Variants in POLD3 observed in about 807,000 individuals in gnomAD.
POLD3 encodes the protein DNA polymerase delta subunit 3.
A neutral mutation model predicts 58.2 loss-of-function variants in POLD3; 19 were observed. The observed-to-expected ratio is 0.33, with a 90% CI of 0.23 to 0.48. The LOEUF (loss-of-function observed/expected upper bound fraction) is 0.48. Ranked by LOEUF, POLD3 falls within the 20% of genes least tolerant of loss-of-function variation. The pLI is 0.99. For synonymous variants in POLD3, 172 were observed against 193.5 expected, an observed-to-expected ratio of 0.89 and a Z score of 0.92; for missense variants, 504 against 545.5, an observed-to-expected ratio of 0.92 and a Z score of 0.76.
At chr11:74,628,462 C>T (rs527383148) in intron 8 of POLD3, among the ~76,000 whole-genome samples, 2 of 152,156 alleles carry the variant, frequency 1.3e-5, no homozygotes, top group Non-Finnish European at 2.9e-5. Flanking sequence ...TACTTGATGG[C>T]AAAGATTATG....
chr11:74,609,506 G>A (rs528934128), intron 3 of POLD3, among the ~76,000 whole-genome samples: 2 of 147,742 alleles, frequency 1.4e-5, no homozygotes, highest in South Asian at 2.2e-4. Context: ...TCAGCCTCCC[G>A]AGTAGCTAGG....
intron 3 of POLD3, among the ~76,000 whole-genome samples, chr11:74,605,958 C>T (rs2031660931): frequency 6.6e-6 from 1 of 152,108 alleles, no homozygotes; most frequent in Non-Finnish European, 1.5e-5. Flanking sequence ...GTGGCATGCG[C>T]CTGTAGTCCC....
intron 9 of POLD3, among the ~76,000 whole-genome samples, chr11:74,630,563 C>T (rs888092500): frequency 2.0e-5 from 3 of 152,130 alleles, no homozygotes; most frequent in African/African-American, 7.2e-5. Flanking sequence ...GAGTAAGACA[C>T]GTGAGCATCC....
chr11:74,594,604 A>G (rs1368640413), intron 2 of POLD3, among the ~76,000 whole-genome samples: 1 of 152,226 alleles, frequency 6.6e-6, no homozygotes, highest in East Asian at 1.9e-4. Context: ...TGTATAAAAC[A>G]TTCATCTATA....
chr11:74,630,966 G>A (rs530926699), intron 9 of POLD3, among the ~76,000 whole-genome samples: 67 of 152,312 alleles, frequency 4.4e-4, no homozygotes, highest in Non-Finnish European at 7.2e-4. Context: ...GTGAAGAAAT[G>A]CAATAGAGGT....
rs1193840225 is a variant in POLD3, at chr11:74,618,601, A to G, written c.457A>G (p.Lys153Glu). The G allele has an allele frequency of 1.9e-6, 3 of 1,613,758 alleles. No homozygotes were observed. Among genetic ancestry groups the G allele is most frequent in the African/African-American group, 2.7e-5 (2 of 74,924 alleles). Reference protein sequence around the residue: ...RAPAESSSSSKKFEQSHLHMS... With the variant: ...RAPAESSSSSEKFEQSHLHMS... Reference sequence around the variant, plus strand: ...TCCTGCTGAATCCTCTTCGTCTTCCAAAAAGTTTGAGCAGTCACATCTTCA... The same window carrying G: ...TCCTGCTGAATCCTCTTCGTCTTCCGAAAAGTTTGAGCAGTCACATCTTCA... The change falls in exon 6 of 12, where the codon AAA (lysine) becomes GAA (glutamate). Residue 153 changes from lysine to glutamate, a missense_variant. Physicochemically the swap from Lys to Glu is moderately conservative, Grantham distance 56. Transcript: ENST00000263681.
chr11:74,625,309 C>A (rs1047800186), intron 7 of POLD3, 99 bp from the exon 8 acceptor site: 2 of 934,392 alleles, frequency 2.1e-6, no homozygotes, highest in African/African-American at 1.7e-5. Flanking sequence ...TTTGCCCCTG[C>A]TCCTAACATA....
intron 2 of POLD3, among the ~76,000 whole-genome samples, chr11:74,601,647 GC>G (rs1365661396): frequency 6.6e-6 from 1 of 152,126 alleles, no homozygotes; most frequent in Non-Finnish European, 1.5e-5. Flanking sequence ...TAATAACCAG[GC>G]ATGGTAGCAT....
chr11:74,639,161 A>C (rs2032839669), intron 11 of POLD3, among the ~76,000 whole-genome samples: 1 of 152,242 alleles, frequency 6.6e-6, no homozygotes, highest in Non-Finnish European at 1.5e-5. Context: ...AGCATGTTAG[A>C]GAAGCAAATT....
intron 11 of POLD3, among the ~76,000 whole-genome samples, chr11:74,639,054 C>G (rs1288531313): frequency 6.6e-6 from 1 of 152,086 alleles, no homozygotes; most frequent in Non-Finnish European, 1.5e-5. Context: ...ACGGAATGCT[C>G]CAGTGGCAAT....
intron 3 of POLD3, 149 bp downstream of exon 3, chr11:74,604,943 A>G: frequency 1.7e-6 from 1 of 575,898 alleles, no homozygotes; most frequent in Non-Finnish European, 3.1e-6. Flanking sequence ...TTGGATTTTT[A>G]GATTAAATCT....
chr11:74,656,847 A>G (rs2033142827), intron 4 of POLD3, among the ~76,000 whole-genome samples: 1 of 151,842 alleles, frequency 6.6e-6, no homozygotes, highest in Non-Finnish European at 1.5e-5. Flanking sequence ...TGTATTCTGG[A>G]GCCATTGGAT....
intron 4 of POLD3, 55 bp from the exon 5 acceptor site, chr11:74,612,823 C>T: frequency 1.3e-6 from 2 of 1,519,852 alleles, no homozygotes; most frequent in Non-Finnish European, 1.8e-6. Flanking sequence ...TGTTAAAGTC[C>T]CCACATGCTA....
At chr11:74,614,800 A>AG (rs1362567146) in intron 5 of POLD3, among the ~76,000 whole-genome samples, 4 of 152,000 alleles carry the variant, frequency 2.6e-5, no homozygotes, top group African/African-American at 9.7e-5. Flanking sequence ...TGGTATTGAA[A>AG]GGTTGATACC....
chr11:74,626,793 T>C (rs1485187847), intron 8 of POLD3, among the ~76,000 whole-genome samples: 2 of 152,176 alleles, frequency 1.3e-5, no homozygotes, highest in East Asian at 1.9e-4. Context: ...GCTGCATATA[T>C]GACAGTGGTC....
At chr11:74,668,729 A>G (rs1451655436) in intron 4 of POLD3, 7 of 1,266,186 alleles carry the variant, frequency 5.5e-6, no homozygotes, top group East Asian at 1.1e-4. Context: ...TAATGGGAGA[A>G]AAGGGAAGAT....
chr11:74,646,923 C>G (rs1217545877), downstream of POLD3, among the ~76,000 whole-genome samples: 1 of 152,196 alleles, frequency 6.6e-6, no homozygotes. Flanking sequence ...CTTTTTGGCA[C>G]CAGGGACCGG....
In POLD3 at chr11:74,618,460, T is replaced by C. The variant is rs970956012; in HGVS notation, c.393-77T>C. 3.8e-6 allele frequency: 4 copies of C among 1,052,374 alleles called. No homozygotes were observed. The African/African-American group carries it at 6.4e-5, about 17-fold the overall frequency. The allele number at this position is 1,052,374 out of a possible 1,614,324, so 65.2% of individuals were successfully genotyped here. ...AATAAAGTTTTATACTGACATTAGTTTTTTTTTTCTTTTTTTGTTGAACCA... is the reference window on the plus strand; with the variant it reads ...AATAAAGTTTTATACTGACATTAGTCTTTTTTTTCTTTTTTTGTTGAACCA... On this transcript the variant is annotated intron_variant, in intron 5 of 11. Coordinates refer to ENST00000263681, the MANE Select transcript of POLD3 (RefSeq NM_006591.3).
At chr11:74,630,199 A>G (rs2032551033) in intron 9 of POLD3, among the ~76,000 whole-genome samples, 1 of 152,238 alleles carries the variant, frequency 6.6e-6, no homozygotes, top group Non-Finnish European at 1.5e-5. Flanking sequence ...TGAGCTATCA[A>G]AGGACAAACT....
Sources: allele counts gnomAD v4.1 joint callset (sites outside exome capture counted in the v4.1 genomes callset), GRCh38; gene constraint gnomAD v4.1.1; transcripts MANE v1.5; gene names NCBI Gene and HGNC (gene_info 2026-07-23, HGNC 2026-07-21).